Variants in AFF1 observed in about 807,000 individuals in gnomAD.
AFF1 encodes the protein AF4/FMR2 family member 1.
AFF1 carries 48 observed loss-of-function variants against 121.7 expected under a neutral mutation model. That is an observed-to-expected ratio of 0.39 (90% CI 0.31 to 0.50). The LOEUF is 0.50. Among genes scored for constraint, AFF1 ranks in the 20% least tolerant of loss-of-function variants. AFF1 has a pLI of 0.76. For missense variants in AFF1, 1,523 were observed against 1,511.7 expected (o/e 1.01, Z -0.12); for synonymous variants, 613 against 563.0 (o/e 1.09, Z -1.26).
chr4:87,132,943 C>T (rs1025773447), intron 19 of AFF1, among the ~76,000 whole-genome samples: 11 of 152,252 alleles, frequency 7.2e-5, no homozygotes, highest in Non-Finnish European at 1.5e-4. Flanking sequence ...ATCTGCCTGC[C>T]TTGGCCTCCC....
intron 1 of AFF1, among the ~76,000 whole-genome samples, chr4:86,947,974 C>T (rs1303003491): frequency 6.6e-6 from 1 of 152,058 alleles, no homozygotes; most frequent in Admixed American, 6.6e-5. Flanking sequence ...CTTACCTTTT[C>T]TTCCTTTTAA....
intron 2 of AFF1, among the ~76,000 whole-genome samples, chr4:86,952,777 T>C (rs1239646992): frequency 2.0e-5 from 3 of 147,372 alleles, no homozygotes; most frequent in African/African-American, 5.0e-5. Context: ...GCCTCCCGGG[T>C]TCAAGCGTTT....
chr4:86,961,704 A>G (rs1157898777), intron 2 of AFF1, among the ~76,000 whole-genome samples: 2 of 151,734 alleles, frequency 1.3e-5, no homozygotes. Flanking sequence ...CCCATCCTAA[A>G]TTAGAATCTC....
chr4:86,962,155 T>C (rs1246156568), intron 2 of AFF1, among the ~76,000 whole-genome samples: 2 of 150,196 alleles, frequency 1.3e-5, no homozygotes. Flanking sequence ...CTTTTTTTTT[T>C]TTTTTTTTTT....
intron 2 of AFF1, among the ~76,000 whole-genome samples, chr4:86,995,272 CCCTCCCCCTCT>C: frequency 3.6e-4 from 8 of 22,510 alleles, no homozygotes; most frequent in South Asian, 5.9e-3. Context: ...ACCCCCTTCC[CCCTCCCCCTCT>C]CCCTCCCCCT....
intron 1 of AFF1, among the ~76,000 whole-genome samples, chr4:86,936,739 A>T (rs887535402): frequency 2.0e-5 from 3 of 152,172 alleles, no homozygotes; most frequent in African/African-American, 7.2e-5. Flanking sequence ...AAAATTCTGG[A>T]TGGTTTGCTT....
intron 8 of AFF1, among the ~76,000 whole-genome samples, chr4:87,098,189 CAG>C (rs1725065705): frequency 1.3e-5 from 2 of 152,106 alleles, no homozygotes; most frequent in African/African-American, 2.4e-5. Flanking sequence ...TGTATTAACT[CAG>C]ATATGGTTAG....
chr4:87,102,647 T>C (rs757256504), intron 8 of AFF1, among the ~76,000 whole-genome samples: 11 of 152,236 alleles, frequency 7.2e-5, no homozygotes, highest in Non-Finnish European at 1.2e-4. Flanking sequence ...CAGCCTGCTG[T>C]TTTAGGATAC....
At chr4:86,995,990 GC>G (rs1725146029) in intron 2 of AFF1, among the ~76,000 whole-genome samples, 1 of 119,076 alleles carries the variant, frequency 8.4e-6, no homozygotes, top group African/African-American at 2.6e-5. Context: ...GAGCCCCTCC[GC>G]CCGGCAGCCG....
intron 4 of AFF1, among the ~76,000 whole-genome samples, chr4:87,058,131 C>T (rs1325115854): frequency 6.6e-6 from 1 of 152,144 alleles, no homozygotes; most frequent in Non-Finnish European, 1.5e-5. Context: ...TGGCAGGAGT[C>T]ACCATTTTAC....
At chr4:87,124,639 G>A (rs1237986122) in intron 12 of AFF1, among the ~76,000 whole-genome samples, 1 of 152,138 alleles carries the variant, frequency 6.6e-6, no homozygotes, top group East Asian at 1.9e-4. Flanking sequence ...GAAGTTGGAG[G>A]AAACCTCATA....
At position 87,047,273 on chromosome 4, in the gene AFF1, C is replaced by CTAT. The variant is rs1358191907; in HGVS notation, c.740_742dup (p.Tyr247dup). Reference sequence around the variant, plus strand: ...ATGGCAGCAGCAATAACAGTAAAGGCTATTGCCCAGCCAAATCTCCCAAGG... The same window carrying CTAT: ...ATGGCAGCAGCAATAACAGTAAAGGCTATTATTGCCCAGCCAAATCTCCCAAGG... On this transcript the variant is annotated inframe_insertion, in exon 4 of 21. Transcript: ENST00000395146. 1 of 1,614,182 alleles carries CTAT rather than the reference C, an allele frequency of 6.2e-7. No individual in the cohort carries two copies. The highest frequency in any genetic ancestry group is 1.1e-5 in the South Asian group (1 of 91,082).
In AFF1 at chr4:87,139,790, A is replaced by G; in HGVS notation, c.*4089A>G. 4 of 225,038 alleles carry G rather than the reference A, an allele frequency of 1.8e-5. No individual in the cohort carries two copies. Among genetic ancestry groups the G allele is most frequent in the African/African-American group, 4.5e-5 (2 of 44,596 alleles). The allele number at this position is 225,038 out of a possible 1,614,324, so 13.9% of individuals were successfully genotyped here. A position where few individuals can be genotyped will look rare whatever the true frequency, so the allele number is the denominator to read the frequency against. ...TTTTCCTTCAAACACTGCAAGTGAT[A>G]TTGCCACCATGTGAACCTCAAATAT... is the stretch of plus-strand genomic sequence containing the variant. On this transcript the variant is annotated 3_prime_UTR_variant, in exon 21 of 21. Coordinates refer to ENST00000395146, the MANE Select transcript of AFF1 (RefSeq NM_001166693.3).
At chr4:86,954,019 T>C (rs546955459) in intron 2 of AFF1, among the ~76,000 whole-genome samples, 1 of 152,096 alleles carries the variant, frequency 6.6e-6, no homozygotes, top group South Asian at 2.1e-4. Context: ...CCTAGTTCAG[T>C]GCATTTTCAT....
rs1384717748 is a variant in AFF1, at chr4:86,985,216, A to G, written c.38+36645A>G. ...ATATATATATATATATATATATATA[A>G]AATTATATTTTAGGCCGGGCAGAGG... On this transcript the variant is annotated intron_variant, in intron 2 of 20. Coordinates refer to ENST00000395146, the MANE Select transcript of AFF1 (RefSeq NM_001166693.3). Among the ~76,000 whole-genome samples, 59 of 78,684 alleles carry G rather than the reference A, an allele frequency of 7.5e-4. 2 individuals carry two copies. The highest frequency in any genetic ancestry group is 6.0e-3 in the Admixed American group (47 of 7,784). 51.6% of individuals were successfully genotyped at this position (78,684 alleles called of 152,430 possible). A position where few individuals can be genotyped will look rare whatever the true frequency, so the allele number is the denominator to read the frequency against.
rs1465084690 is a variant in AFF1 at position 87,022,592 on chromosome 4, A to ATATATATATC, written c.39-23573_39-23572insATATATATCT. Among the ~76,000 whole-genome samples, 474 of 99,740 alleles carry ATATATATATC rather than the reference A, an allele frequency of 4.8e-3. 20 individuals are homozygous for ATATATATATC. The highest frequency in any genetic ancestry group is 8.2e-3 in the East Asian group (24 of 2,940). 65.4% of individuals were successfully genotyped at this position (99,740 alleles called of 152,430 possible). ...TATATATATATATATATCTATCTAT[A>ATATATATATC]TCTATCTGTGTGTATATATATCTGT... is the stretch of plus-strand genomic sequence containing the variant. On this transcript the variant is annotated intron_variant, in intron 2 of 20. Coordinates refer to ENST00000395146, the MANE Select transcript of AFF1 (RefSeq NM_001166693.3).
At chr4:86,954,271 A>T (rs1220566543) in intron 2 of AFF1, among the ~76,000 whole-genome samples, 1 of 152,252 alleles carries the variant, frequency 6.6e-6, no homozygotes, top group Non-Finnish European at 1.5e-5. Flanking sequence ...GGGGTAAAAT[A>T]TCTACATGAC....
Position 87,126,140 on chromosome 4 carries a change from T to C in AFF1, c.2615T>C (p.Leu872Pro), listed in dbSNP as rs776084271. The C allele has an allele frequency of 2.5e-6, 4 of 1,613,428 alleles. No homozygotes were observed. In the East Asian group the frequency reaches 8.9e-5, roughly 36 times the overall value. Residue 872 changes from leucine to proline, a missense_variant, in exon 14 of 21, where the codon CTC becomes CCC. Physicochemically the swap from Leu to Pro is moderately conservative, Grantham distance 98 (BLOSUM62 -3). Transcript: ENST00000395146. ...PSSQSSKKEM[L>P]PPPPVSSSSQ... Reference sequence around the variant, plus strand: ...TCACAGTCCTCAAAGAAGGAAATGCTCCCCCCGCCACCCGTGTCCTCGTCC... The same window carrying C: ...TCACAGTCCTCAAAGAAGGAAATGCCCCCCCCGCCACCCGTGTCCTCGTCC...
chr4:87,066,815 C>G (rs1413132895), intron 4 of AFF1, among the ~76,000 whole-genome samples: 2 of 152,200 alleles, frequency 1.3e-5, no homozygotes, highest in Non-Finnish European at 2.9e-5. Flanking sequence ...GCACCTCAGC[C>G]TCTGCCCTGG....
Sources: allele counts gnomAD v4.1 joint callset (sites outside exome capture counted in the v4.1 genomes callset), GRCh38; gene constraint gnomAD v4.1.1; transcripts MANE v1.5; gene names NCBI Gene and HGNC (gene_info 2026-07-23, HGNC 2026-07-21).